The following KCNH1 variants were observed in gnomAD, a reference collection of about 807,000 sequenced individuals.
The protein encoded by KCNH1 is potassium voltage-gated channel subfamily H member 1.
In KCNH1, 27 loss-of-function variants were observed where a neutral mutation model predicts 69.2. The observed-to-expected ratio is 0.39, with a 90% CI of 0.29 to 0.54. KCNH1 has a LOEUF of 0.54. KCNH1 is among the 20% of genes least tolerant of loss of function. The probability of loss-of-function intolerance (pLI) is 0.68; values close to 1 mark genes in which losing one functional copy is unlikely to be tolerated. For missense variants in KCNH1, 798 were observed against 1,261.6 expected (o/e 0.63, Z 5.57); for synonymous variants, 456 against 487.7 (o/e 0.93, Z 0.86).
chr1:210,775,920 A>C (rs1211361454), intron 9 of KCNH1, among the ~76,000 whole-genome samples: 1 of 152,130 alleles, frequency 6.6e-6, no homozygotes, highest in Non-Finnish European at 1.5e-5. Flanking sequence ...GGTTTATTGC[A>C]TGTATCTCAA....
At chr1:210,782,213 T>C (rs1684000801) in intron 9 of KCNH1, among the ~76,000 whole-genome samples, 2 of 152,158 alleles carry the variant, frequency 1.3e-5, no homozygotes, top group Non-Finnish European at 2.9e-5. Flanking sequence ...TGAATGTATA[T>C]ATAAATGAAC....
chr1:210,920,537 G>A (rs1050046060), intron 6 of KCNH1, among the ~76,000 whole-genome samples: 2 of 152,026 alleles, frequency 1.3e-5, no homozygotes, highest in Admixed American at 1.3e-4. Context: ...AAATGGTTGG[G>A]AAATACACCA....
intron 7 of KCNH1, among the ~76,000 whole-genome samples, chr1:210,915,629 G>A (rs1687319574): frequency 6.6e-6 from 1 of 152,178 alleles, no homozygotes; most frequent in African/African-American, 2.4e-5. Context: ...CCAGGCACTT[G>A]GAGACATTGT....
chr1:210,902,395 T>C (rs1687014801), intron 7 of KCNH1, among the ~76,000 whole-genome samples: 3 of 152,242 alleles, frequency 2.0e-5, no homozygotes, highest in Non-Finnish European at 4.4e-5. Flanking sequence ...TCTATTTGCA[T>C]GAGCAGATGT....
chr1:210,776,945 C>T (rs928981780), intron 9 of KCNH1, among the ~76,000 whole-genome samples: 2 of 152,122 alleles, frequency 1.3e-5, no homozygotes, highest in African/African-American at 4.8e-5. Context: ...TGTTGTTTAT[C>T]TTGCCTCTAA....
At chr1:210,926,303 C>T (rs942069112) in intron 6 of KCNH1, among the ~76,000 whole-genome samples, 9 of 151,824 alleles carry the variant, frequency 5.9e-5, no homozygotes, top group South Asian at 2.1e-4. Flanking sequence ...AAGGACCTTC[C>T]GAGTCCACTC....
chr1:211,064,476 G>A (rs1028696979), intron 5 of KCNH1, among the ~76,000 whole-genome samples: 1 of 152,008 alleles, frequency 6.6e-6, no homozygotes, highest in African/African-American at 2.4e-5. Flanking sequence ...CAGGAGAATG[G>A]TGTGAACCTG....
chr1:210,950,947 G>A (rs1688052743), intron 6 of KCNH1, among the ~76,000 whole-genome samples: 1 of 152,126 alleles, frequency 6.6e-6, no homozygotes, highest in Non-Finnish European at 1.5e-5. Flanking sequence ...ACCTTCTAGT[G>A]GGAGAAACAA....
intron 9 of KCNH1, among the ~76,000 whole-genome samples, chr1:210,779,749 A>G (rs1199970405): frequency 6.6e-6 from 1 of 152,176 alleles, no homozygotes; most frequent in African/African-American, 2.4e-5. Flanking sequence ...GAAGGAAGTA[A>G]GGAAAGGCAG....
chr1:210,782,687 T>C (rs1197292804), intron 9 of KCNH1, among the ~76,000 whole-genome samples: 1 of 151,908 alleles, frequency 6.6e-6, no homozygotes, highest in African/African-American at 2.4e-5. Context: ...GATTGTGCCA[T>C]TGCATTCTGT....
chr1:210,716,426 C>T (rs576075457), intron 10 of KCNH1, among the ~76,000 whole-genome samples: 12 of 74,900 alleles, frequency 1.6e-4, no homozygotes, highest in African/African-American at 4.9e-4. Context: ...AGCAAGACTC[C>T]GTCTCAAAAA....
chr1:210,965,946 A>G (rs1462848668), intron 6 of KCNH1, among the ~76,000 whole-genome samples: 1 of 152,226 alleles, frequency 6.6e-6, no homozygotes, highest in Non-Finnish European at 1.5e-5. Context: ...AGCCAAAAGA[A>G]CAAAGCTGGA....
chr1:210,850,005 T>TG (rs1685649124), intron 7 of KCNH1, among the ~76,000 whole-genome samples: 1 of 151,512 alleles, frequency 6.6e-6, no homozygotes, highest in Non-Finnish European at 1.5e-5. Context: ...GAATAAAATG[T>TG]GGGGAAAAAA....
At chr1:210,938,093 T>A (rs1334715438) in intron 6 of KCNH1, among the ~76,000 whole-genome samples, 3 of 152,230 alleles carry the variant, frequency 2.0e-5, no homozygotes, top group African/African-American at 7.2e-5. Context: ...ATGTCTAACC[T>A]TCAGTCTATC....
At chr1:210,930,080 C>A (rs1178462727) in intron 6 of KCNH1, among the ~76,000 whole-genome samples, 3 of 152,078 alleles carry the variant, frequency 2.0e-5, no homozygotes, top group African/African-American at 7.2e-5. Context: ...TGGGTAGAAC[C>A]AATATCATGA....
intron 6 of KCNH1, among the ~76,000 whole-genome samples, chr1:210,989,890 T>C (rs909689167): frequency 2.0e-5 from 3 of 152,242 alleles, no homozygotes; most frequent in African/African-American, 7.2e-5. Flanking sequence ...TAGCCCAATT[T>C]ATTTTAAAAG....
At chr1:210,982,319 T>G (rs1024734860) in intron 6 of KCNH1, among the ~76,000 whole-genome samples, 7 of 152,178 alleles carry the variant, frequency 4.6e-5, no homozygotes, top group African/African-American at 1.7e-4. Flanking sequence ...GTGCACAACG[T>G]GCAGGTTTGT....
chr1:211,014,365 G>A (rs1207557876), intron 6 of KCNH1, among the ~76,000 whole-genome samples: 2 of 152,060 alleles, frequency 1.3e-5, no homozygotes, highest in Non-Finnish European at 2.9e-5. Flanking sequence ...TTTATCCTCC[G>A]AACATTTTAA....
chr1:210,687,927 C>T (rs1384524324), intron 10 of KCNH1, among the ~76,000 whole-genome samples: 4 of 152,136 alleles, frequency 2.6e-5, no homozygotes, highest in Admixed American at 2.6e-4. Flanking sequence ...CTCCCTAACT[C>T]AGGATGCTCC....
Sources: gnomAD v4.1 joint callset for allele counts (sites outside exome capture counted in the v4.1 genomes callset) on GRCh38, gnomAD v4.1.1 for gene constraint, MANE v1.5 for transcripts, NCBI Gene and HGNC (gene_info 2026-07-23, HGNC 2026-07-21) for gene names.